The following SULF1 variants were observed in gnomAD, a reference collection of about 807,000 sequenced individuals.
The protein encoded by SULF1 is sulfatase 1.
Under a neutral mutation model 110.5 loss-of-function variants are expected in SULF1, and 46 were observed. The ratio of observed to expected loss-of-function variants is 0.42; its 90% CI spans 0.33 to 0.53. The LOEUF is 0.53. Ranked by LOEUF, SULF1 falls within the 20% of genes least tolerant of loss-of-function variation. The pLI is 0.12. For missense variants in SULF1, 941 were observed against 1,094.2 expected (o/e 0.86, Z 1.98); for synonymous variants, 371 against 387.1 (o/e 0.96, Z 0.49).
chr8:69,544,597 G>A (rs1416197456), intron 3 of SULF1, among the ~76,000 whole-genome samples: 6 of 152,142 alleles, frequency 3.9e-5, no homozygotes. Context: ...TTCCTTTAAA[G>A]CATAGAAACC....
At position 69,659,890 on chromosome 8, in the gene SULF1, C is replaced by T. The variant is rs1009992749; in HGVS notation, c.*1355C>T. 3.3e-5 allele frequency: 5 copies of T among 152,680 alleles called. No individual in the cohort carries two copies. The highest frequency in any genetic ancestry group is 1.2e-4 in the African/African-American group (5 of 41,386). 9.5% of individuals were successfully genotyped at this position (152,680 alleles called of 1,614,324 possible). On this transcript the variant is annotated 3_prime_UTR_variant, in exon 23 of 23. Transcript: ENST00000402687. ...CTGTTGGCTGTCATTGTGACAAAGT[C>T]AAATAAACCCCCAAGGACGACACAC...
chr8:69,469,981 G>T (rs1309555857), intron 1 of SULF1, among the ~76,000 whole-genome samples: 1 of 152,172 alleles, frequency 6.6e-6, no homozygotes, highest in Non-Finnish European at 1.5e-5. Context: ...GGCGGAGGTT[G>T]CAGTGAGCCG....
Position 69,646,938 on chromosome 8 carries a change from ATTTTTT to A in SULF1, c.2585+6116_2585+6121del, listed in dbSNP as rs532105097. ...ACAAATTGTATCAAAGAGCCCTGGA[ATTTTTT>A]TTTTTTTTTTTTTTTTTTGAGGTGG... On this transcript the variant is annotated intron_variant, in intron 22 of 22. Transcript: ENST00000402687. Among the ~76,000 whole-genome samples the A allele has an allele frequency of 2.1e-3, 204 of 97,756 alleles. 1 individual carries two copies. Among genetic ancestry groups the A allele is most frequent in the African/African-American group, 7.4e-3 (188 of 25,498 alleles). 64.1% of individuals were successfully genotyped at this position (97,756 alleles called of 152,430 possible). A position where few individuals can be genotyped will look rare whatever the true frequency, so the allele number is the denominator to read the frequency against.
intron 6 of SULF1, among the ~76,000 whole-genome samples, chr8:69,578,110 C>T (rs1805755604): frequency 6.6e-6 from 1 of 152,122 alleles, no homozygotes; most frequent in Admixed American, 6.5e-5. Context: ...AAACACCATC[C>T]ATTGTAAAGT....
At chr8:69,495,423 T>C (rs999573120) in intron 1 of SULF1, among the ~76,000 whole-genome samples, 3 of 152,114 alleles carry the variant, frequency 2.0e-5, no homozygotes, top group Non-Finnish European at 4.4e-5. Context: ...ATTTTTGTCT[T>C]TGAAATTTTG....
chr8:69,647,513 A>G (rs942499557), intron 22 of SULF1, among the ~76,000 whole-genome samples: 8 of 152,160 alleles, frequency 5.3e-5, no homozygotes, highest in African/African-American at 1.7e-4. Context: ...AAAATTATGT[A>G]GGTTAGAAAT....
chr8:69,521,003 A>C (rs1812260105), intron 3 of SULF1, among the ~76,000 whole-genome samples: 1 of 152,300 alleles, frequency 6.6e-6, no homozygotes, highest in South Asian at 2.1e-4. Flanking sequence ...CTTTCAGTAT[A>C]AAATGGGGGA....
intron 19 of SULF1, among the ~76,000 whole-genome samples, chr8:69,631,792 A>C (rs542289608): frequency 6.6e-6 from 1 of 152,312 alleles, no homozygotes; most frequent in African/African-American, 2.4e-5. Flanking sequence ...CTCACCCTTC[A>C]GACCTCAATT....
chr8:69,526,843 G>GGAAGGGAGGA, intron 3 of SULF1, among the ~76,000 whole-genome samples: 1 of 71,372 alleles, frequency 1.4e-5, no homozygotes, highest in East Asian at 3.8e-4. Flanking sequence ...GGAAGGAAGG[G>GGAAGGGAGGA]AGGAAGGAAG....
intron 3 of SULF1, among the ~76,000 whole-genome samples, chr8:69,558,620 G>A (rs987329294): frequency 2.6e-5 from 4 of 152,178 alleles, no homozygotes; most frequent in African/African-American, 9.7e-5. Context: ...ACTGAGGACA[G>A]TTTCAAGGCT....
chr8:69,589,203 A>T (rs1586484540), intron 8 of SULF1, 62 bp downstream of exon 8: 4 of 1,485,186 alleles, frequency 2.7e-6, no homozygotes, highest in African/African-American at 1.4e-5. Flanking sequence ...TCCTCATCCC[A>T]CTCCTCTCCT....
At chr8:69,474,733 A>T (rs555984694) in intron 1 of SULF1, among the ~76,000 whole-genome samples, 10 of 152,322 alleles carry the variant, frequency 6.6e-5, no homozygotes, top group Middle Eastern at 3.4e-3. Flanking sequence ...GAGATTTATG[A>T]TATGGACCCA....
At chr8:69,477,472 C>T (rs1363132925) in intron 1 of SULF1, among the ~76,000 whole-genome samples, 1 of 152,164 alleles carries the variant, frequency 6.6e-6, no homozygotes, top group Non-Finnish European at 1.5e-5. Context: ...CACTTAACTT[C>T]CTCATCTGCT....
upstream of SULF1, among the ~76,000 whole-genome samples, chr8:69,491,820 G>T (rs998633109): frequency 5.9e-5 from 9 of 152,114 alleles, no homozygotes; most frequent in South Asian, 2.1e-4. Context: ...ACAACGCAAG[G>T]TTCCAAACCT....
Position 69,621,004 on chromosome 8 carries a change from C to G in SULF1, c.1378-31C>G, listed in dbSNP as rs139006563. On this transcript the variant is annotated intron_variant, in intron 13 of 22. Coordinates refer to ENST00000402687, the MANE Select transcript of SULF1 (RefSeq NM_001128205.2). The stretch of plus-strand genomic sequence containing the variant: ...TAATAAATAACACCTGGAGCAGAAT[C>G]GGTAAACTGCTTTCACGTTGGCTTT... 2.2e-5 allele frequency: 35 copies of G among 1,559,678 alleles called. No individual in the cohort carries two copies. In the Admixed American group the frequency reaches 6.2e-4, roughly 28 times the overall value.
chr8:69,603,576 T>G, intron 11 of SULF1, 24 bp from the exon 12 acceptor site: 1 of 1,599,952 alleles, frequency 6.3e-7, no homozygotes, highest in Non-Finnish European at 8.6e-7. Flanking sequence ...ATGCCAAAAG[T>G]AAATATTATC....
At chr8:69,517,073 A>G (rs991153886) in intron 3 of SULF1, among the ~76,000 whole-genome samples, 1 of 152,178 alleles carries the variant, frequency 6.6e-6, no homozygotes, top group Non-Finnish European at 1.5e-5. Flanking sequence ...TACTTGACTC[A>G]TGATTCTGGA....
At chr8:69,484,473 A>G (rs1283805176) in intron 1 of SULF1, among the ~76,000 whole-genome samples, 1 of 152,224 alleles carries the variant, frequency 6.6e-6, no homozygotes, top group Non-Finnish European at 1.5e-5. Context: ...AATTCACCAA[A>G]TCTCAACTTT....
intron 22 of SULF1, among the ~76,000 whole-genome samples, chr8:69,653,930 A>G (rs1468876272): frequency 6.6e-6 from 1 of 152,240 alleles, no homozygotes; most frequent in African/African-American, 2.4e-5. Flanking sequence ...ATAAAAGTCA[A>G]AAGATATTGG....
Sources: allele counts gnomAD v4.1 joint callset (sites outside exome capture counted in the v4.1 genomes callset), GRCh38; gene constraint gnomAD v4.1.1; transcripts MANE v1.5; gene names NCBI Gene and HGNC (gene_info 2026-07-23, HGNC 2026-07-21).